The following AIG1 variants were observed in gnomAD, a reference collection of about 807,000 sequenced individuals.
AIG1 encodes the protein androgen induced 1, also known as androgen-induced gene 1 protein.
A neutral mutation model predicts 31.4 loss-of-function variants in AIG1; 23 were observed. The observed-to-expected ratio is 0.73, with a 90% CI of 0.53 to 1.04. The LOEUF is 1.04. Among genes scored for constraint, AIG1 ranks in the 50% least tolerant of loss-of-function variants. The probability of loss-of-function intolerance (pLI) is 0.00; values close to 1 mark genes in which losing one functional copy is unlikely to be tolerated. For synonymous variants in AIG1, 100 were observed against 110.5 expected (o/e 0.90, Z 0.60); for missense variants, 274 against 295.0 (o/e 0.93, Z 0.52).
chr6:143,274,845 A>G (rs1485296415), intron 3 of AIG1, among the ~76,000 whole-genome samples: 1 of 152,228 alleles, frequency 6.6e-6, no homozygotes, highest in Non-Finnish European at 1.5e-5. Flanking sequence ...CATGTATAAA[A>G]TGAAGAAGAT....
intron 1 of AIG1, among the ~76,000 whole-genome samples, chr6:143,125,225 C>A (rs563323737): frequency 6.6e-6 from 1 of 152,070 alleles, no homozygotes; most frequent in Non-Finnish European, 1.5e-5. Flanking sequence ...GATGCAACAT[C>A]TTTTTTCCCC....
chr6:143,313,695 A>G (rs531885784), intron 4 of AIG1, among the ~76,000 whole-genome samples: 8 of 152,248 alleles, frequency 5.3e-5, no homozygotes, highest in African/African-American at 1.7e-4. Context: ...AAAAGAGTAT[A>G]ACTGGAATGT....
At chr6:143,154,263 T>C (rs1047873388) in intron 2 of AIG1, among the ~76,000 whole-genome samples, 4 of 152,234 alleles carry the variant, frequency 2.6e-5, no homozygotes, top group Non-Finnish European at 5.9e-5. Flanking sequence ...AAAGTAGTTA[T>C]GATTCTTAAA....
chr6:143,159,395 A>C (rs1294883711), intron 2 of AIG1, among the ~76,000 whole-genome samples: 1 of 152,234 alleles, frequency 6.6e-6, no homozygotes, highest in Non-Finnish European at 1.5e-5. Context: ...CTAGGCAAAT[A>C]TGGATAAATT....
intron 1 of AIG1, among the ~76,000 whole-genome samples, chr6:143,105,896 A>G (rs1452810487): frequency 6.6e-6 from 1 of 152,202 alleles, no homozygotes; most frequent in Non-Finnish European, 1.5e-5. Flanking sequence ...CCATTATGGA[A>G]ATGGTGGCTT....
chr6:143,202,071 T>C (rs1362078504), intron 3 of AIG1, among the ~76,000 whole-genome samples: 4 of 152,140 alleles, frequency 2.6e-5, no homozygotes, highest in African/African-American at 9.7e-5. Flanking sequence ...ACAATTTAAA[T>C]CCAGGCTATT....
At chr6:143,190,719 T>A in intron 3 of AIG1, 1 of 558,652 alleles carries the variant, frequency 1.8e-6, no homozygotes, top group Non-Finnish European at 2.3e-6. Flanking sequence ...TTTGCTTTCC[T>A]ATCTTATCAT....
intron 1 of AIG1, among the ~76,000 whole-genome samples, chr6:143,071,662 GGTGGTGGTA>G (rs1294032473): frequency 4.6e-5 from 7 of 151,776 alleles, no homozygotes; most frequent in African/African-American, 7.3e-5. Flanking sequence ...TCATCGTGGT[GGTGGTGGTA>G]GTGGTGGTTC....
At chr6:143,260,341 A>ACCTCC (rs1390758931) in intron 3 of AIG1, among the ~76,000 whole-genome samples, 2 of 150,662 alleles carry the variant, frequency 1.3e-5, no homozygotes, top group Non-Finnish European at 3.0e-5. Flanking sequence ...TCTTAAAGAC[A>ACCTCC]CCTCCCCCTA....
chr6:143,139,617 C>G (rs1488189465), intron 2 of AIG1, among the ~76,000 whole-genome samples: 1 of 151,888 alleles, frequency 6.6e-6, no homozygotes, highest in Non-Finnish European at 1.5e-5. Flanking sequence ...AGTTACTAGT[C>G]TATTATTTTC....
At chr6:143,264,432 C>T (rs1796014373) in intron 3 of AIG1, among the ~76,000 whole-genome samples, 1 of 152,132 alleles carries the variant, frequency 6.6e-6, no homozygotes, top group African/African-American at 2.4e-5. Flanking sequence ...TTTTTGTCCC[C>T]CACTGTGAAA....
At chr6:143,199,972 G>A (rs1255452390) in intron 3 of AIG1, among the ~76,000 whole-genome samples, 2 of 152,144 alleles carry the variant, frequency 1.3e-5, no homozygotes, top group Non-Finnish European at 2.9e-5. Context: ...CCAGGAGAAA[G>A]GCTCCAAGCC....
chr6:143,153,243 A>G (rs1417054520), intron 2 of AIG1, among the ~76,000 whole-genome samples: 3 of 152,268 alleles, frequency 2.0e-5, no homozygotes, highest in African/African-American at 7.2e-5. Flanking sequence ...ACCAGCAAGT[A>G]TTCTAAGTCA....
At chr6:143,155,672 T>C (rs1583350915) in intron 2 of AIG1, among the ~76,000 whole-genome samples, 1 of 152,148 alleles carries the variant, frequency 6.6e-6, no homozygotes, top group South Asian at 2.1e-4. Flanking sequence ...GATTTTGAAA[T>C]GGGTTGTTTT....
At chr6:143,087,900 C>T (rs1351031436) in intron 1 of AIG1, among the ~76,000 whole-genome samples, 1 of 152,102 alleles carries the variant, frequency 6.6e-6, no homozygotes, top group African/African-American at 2.4e-5. Flanking sequence ...TGACAATTTC[C>T]TGTTTAGTAG....
intron 1 of AIG1, among the ~76,000 whole-genome samples, chr6:143,116,159 C>G (rs939617157): frequency 1.3e-5 from 2 of 152,152 alleles, no homozygotes; most frequent in African/African-American, 4.8e-5. Context: ...AAGACATGCA[C>G]TGGTAGGTAT....
At chr6:143,070,693 T>C (rs1393086342) in intron 1 of AIG1, among the ~76,000 whole-genome samples, 1 of 152,204 alleles carries the variant, frequency 6.6e-6, no homozygotes, top group African/African-American at 2.4e-5. Flanking sequence ...AGACCCACTC[T>C]TGTGATAACT....
chr6:143,118,916 C>T (rs1781991458), intron 1 of AIG1, among the ~76,000 whole-genome samples: 1 of 151,418 alleles, frequency 6.6e-6, no homozygotes, highest in African/African-American at 2.4e-5. Context: ...TTCTGTCACC[C>T]AGGCTGGAGT....
At chr6:143,313,341 G>C (rs2094241524) in intron 4 of AIG1, among the ~76,000 whole-genome samples, 1 of 152,082 alleles carries the variant, frequency 6.6e-6, no homozygotes, top group Non-Finnish European at 1.5e-5. Context: ...GAAAAATGTG[G>C]TACATATACA....
Sources: gnomAD v4.1 joint callset for allele counts (sites outside exome capture counted in the v4.1 genomes callset) on GRCh38, gnomAD v4.1.1 for gene constraint, MANE v1.5 for transcripts, NCBI Gene and HGNC (gene_info 2026-07-23, HGNC 2026-07-21) for gene names.